Variants in CUX2 observed in about 807,000 individuals in gnomAD.
The protein encoded by CUX2 is homeobox protein cut-like 2.
Under a neutral mutation model 144.8 loss-of-function variants are expected in CUX2, and 40 were observed. The ratio of observed to expected loss-of-function variants is 0.28; its 90% confidence interval spans 0.21 to 0.36. The LOEUF is 0.36. Ranked by LOEUF, CUX2 falls within the 10% of genes least tolerant of loss-of-function variation. The pLI is 1.00. For synonymous variants in CUX2, 827 were observed against 875.6 expected (o/e 0.94, Z 0.98); for missense variants, 1,615 against 1,994.0 (o/e 0.81, Z 3.62).
intron 1 of CUX2, among the ~76,000 whole-genome samples, chr12:111,199,920 G>A (rs1880475445): frequency 6.6e-6 from 1 of 152,096 alleles, no homozygotes; most frequent in African/African-American, 2.4e-5. Context: ...AGAGGAAAAA[G>A]CCCGCAGGAA....
intron 2 of CUX2, among the ~76,000 whole-genome samples, chr12:111,216,551 C>T (rs1366725675): frequency 1.3e-5 from 2 of 152,240 alleles, no homozygotes; most frequent in Non-Finnish European, 1.5e-5. Context: ...GTTCCGTGCT[C>T]ATGCTGCCGT....
chr12:111,247,844 C>G (rs531249267), intron 3 of CUX2, among the ~76,000 whole-genome samples: 1 of 152,184 alleles, frequency 6.6e-6, no homozygotes, highest in Admixed American at 6.5e-5. Context: ...TTCCAAGAAC[C>G]GTCTGTGGCC....
intron 16 of CUX2, among the ~76,000 whole-genome samples, chr12:111,314,985 T>C (rs1887119844): frequency 6.6e-6 from 1 of 152,136 alleles, no homozygotes. Context: ...TATACAGCAC[T>C]TTCTCCTGGG....
intron 3 of CUX2, among the ~76,000 whole-genome samples, chr12:111,237,514 C>T (rs990443539): frequency 1.7e-4 from 26 of 152,226 alleles, no homozygotes; most frequent in Admixed American, 1.6e-3. Flanking sequence ...GGGCTGTCCA[C>T]GTCCCTGTCT....
At position 111,338,423 on chromosome 12, in the gene CUX2, G is replaced by A. The variant is rs1286661396; in HGVS notation, c.3334G>A (p.Asp1112Asn). 8.7e-6 allele frequency: 14 copies of A among 1,613,910 alleles called. No individual in the cohort carries two copies. The highest frequency in any genetic ancestry group is 1.2e-5 in the Non-Finnish European group (14 of 1,179,992). The change falls in exon 20 of 22, where the codon GAC becomes AAC. Residue 1112 changes from aspartate (D) to asparagine (N), a missense_variant. This residue lies in a region of CUX2 where 131 missense variants were observed against 223.1 expected (regional missense o/e 0.59). Transcript: ENST00000261726. ...PFVRMQLWLN[D>N]PHNVEKLRDM... ...TGTCCGCATGCAGCTGTGGCTCAAT[G>A]ACCCCCATAACGTGGAGAAGCTGAG...
At chr12:111,082,144 A>G (rs1467527405) in intron 1 of CUX2, among the ~76,000 whole-genome samples, 1 of 152,192 alleles carries the variant, frequency 6.6e-6, no homozygotes, top group Non-Finnish European at 1.5e-5. Context: ...AAGGACAGGA[A>G]TGTCCCTGGG....
Position 111,347,657 on chromosome 12 carries a change from A to T in CUX2, c.3793A>T (p.Thr1265Ser). The T allele has an allele frequency of 4.2e-6, 6 of 1,443,718 alleles. No individual in the cohort carries two copies. The highest frequency in any genetic ancestry group is 4.7e-6 in the Non-Finnish European group (5 of 1,069,722). The allele number at this position is 1,443,718 out of a possible 1,614,324, so 89.4% of individuals were successfully genotyped here. Reference protein sequence around the residue: ...DPTPQSPDSETEDQKPTVKEL... With the variant: ...DPTPQSPDSESEDQKPTVKEL... The stretch of plus-strand genomic sequence containing the variant: ...CACCCCGCAGAGCCCTGACTCTGAG[A>T]CTGAGGACCAGAAGCCAACCGTGAA... Residue 1265 changes from threonine (T) to serine (S), a missense_variant, in exon 22 of 22, where the codon ACT becomes TCT. By Grantham distance (58) the Thr-to-Ser change is moderately conservative. This residue lies in a region of CUX2 where 298 missense variants were observed against 330.4 expected (regional missense o/e 0.90). Coordinates refer to ENST00000261726, the MANE Select transcript of CUX2 (RefSeq NM_015267.4).
rs1393330998 is a variant in CUX2, at chr12:111,209,200, C to T, written c.64-5000C>T. 2.0e-5 allele frequency among the ~76,000 whole-genome samples: 3 copies of T among 152,068 alleles called. No individual in the cohort carries two copies. The East Asian group carries it at 5.8e-4, about 29-fold the overall frequency. ...TTCACTTGAGCCTAGGAGTTCGAGA[C>T]CAACCTGGGCAACATGGCGAGACCC... On this transcript the variant is annotated intron_variant, in intron 1 of 21. Transcript: ENST00000261726.
intron 1 of CUX2, among the ~76,000 whole-genome samples, chr12:111,042,355 T>C (rs148356749): frequency 1.3e-3 from 201 of 152,328 alleles, no homozygotes; most frequent in Non-Finnish European, 2.4e-3. Context: ...GCCTTGCTGC[T>C]ACAGATGCCT....
chr12:111,322,321 C>CAA lies in CUX2; in HGVS notation c.2767-78_2767-77dup, dbSNP rs147389725. ...CGACAGACAAAGCGAGACTCTGCCT[C>CAA]AAAAAAAAAAAAAAAAAAAAAAAGG... On this transcript the variant is annotated intron_variant, in intron 17 of 21. Transcript: ENST00000261726. The surrounding 1 kb of genome is among the most constrained non-coding windows in gnomAD (Gnocchi z 4.2). 6,619 of 756,042 alleles carry CAA rather than the reference C, an allele frequency of 8.8e-3. No individual in the cohort carries two copies. The highest frequency in any genetic ancestry group is 0.013 in the Middle Eastern group (29 of 2,190). 46.8% of individuals were successfully genotyped at this position (756,042 alleles called of 1,614,324 possible).
rs1266009582 is a variant in CUX2 at position 111,186,266 on chromosome 12, T to G, written c.64-27934T>G. On this transcript the variant is annotated intron_variant, in intron 1 of 21. Transcript: ENST00000261726. This position sits in a 1 kb window ranked among gnomAD's most constrained non-coding sequence, Gnocchi z 4.4. ...TGGATGCTTAGTCAGGTGACACTTA[T>G]GGGGACCAGCTGTGTACTGAGCCAG... 6.6e-6 allele frequency among the ~76,000 whole-genome samples: 1 copy of G among 152,108 alleles called. No homozygotes were observed. The highest frequency in any genetic ancestry group is 1.5e-5 in the Non-Finnish European group (1 of 68,016).
At chr12:111,051,833 G>A (rs1226366649) in intron 1 of CUX2, among the ~76,000 whole-genome samples, 2 of 151,212 alleles carry the variant, frequency 1.3e-5, no homozygotes, top group African/African-American at 2.4e-5. Context: ...TTTGCATTGA[G>A]TGAATATTCT....
rs535694787 is a variant in CUX2, at chr12:111,187,435, G to A, written c.64-26765G>A. Among the ~76,000 whole-genome samples, 22 of 151,692 alleles carry A rather than the reference G, an allele frequency of 1.5e-4. No homozygotes were observed. In the South Asian group the frequency reaches 2.9e-3, roughly 20 times the overall value. ...CCTCCCCTGGCCCCCCCACTGCTCT[G>A]TGTGAAATTGCAGCTCTCTACCACC... On this transcript the variant is annotated intron_variant, in intron 1 of 21. Coordinates refer to ENST00000261726, the MANE Select transcript of CUX2 (RefSeq NM_015267.4).
chr12:111,099,336 G>A (rs1404096825), intron 1 of CUX2: 1 of 346,958 alleles, frequency 2.9e-6, no homozygotes, highest in Admixed American at 3.8e-5. Context: ...GAGGCTGGAG[G>A]CCAGAGGCAG....
chr12:111,303,525 A>G (rs1886418070), intron 9 of CUX2, among the ~76,000 whole-genome samples: 1 of 151,836 alleles, frequency 6.6e-6, no homozygotes, highest in African/African-American at 2.4e-5. Flanking sequence ...AATCCCAGCT[A>G]CTTGGGAGGC....
chr12:111,157,659 G>T (rs1390683993), intron 1 of CUX2, among the ~76,000 whole-genome samples: 1 of 152,202 alleles, frequency 6.6e-6, no homozygotes, highest in East Asian at 1.9e-4. Context: ...TTGGATTGCA[G>T]CATAGGAGTT....
At chr12:111,141,688 A>G (rs1876327621) in intron 1 of CUX2, among the ~76,000 whole-genome samples, 1 of 152,166 alleles carries the variant, frequency 6.6e-6, no homozygotes, top group Non-Finnish European at 1.5e-5. Flanking sequence ...TTGAGCTCCC[A>G]AGTCATGTGT....
intron 16 of CUX2, among the ~76,000 whole-genome samples, chr12:111,313,403 G>T (rs890595683): frequency 6.6e-6 from 1 of 151,120 alleles, no homozygotes; most frequent in Non-Finnish European, 1.5e-5. Context: ...ACTGTGGGAG[G>T]CCGAGGCGGG....
chr12:111,084,302 G>A (rs1339227421), intron 1 of CUX2, among the ~76,000 whole-genome samples: 2 of 152,154 alleles, frequency 1.3e-5, no homozygotes, highest in African/African-American at 4.8e-5. Flanking sequence ...TCCTGCCCAA[G>A]TACCATCTGT....
Sources: gnomAD v4.1 joint callset for allele counts (sites outside exome capture counted in the v4.1 genomes callset) on GRCh38, gnomAD v4.1.1 for gene constraint, gnomAD v4.1.1 regional missense constraint, Gnocchi (gnomAD v3.1) non-coding constraint, MANE v1.5 for transcripts, NCBI Gene and HGNC (gene_info 2026-07-23, HGNC 2026-07-21) for gene names.